THSD4: variants seen among roughly 807,000 people sequenced by gnomAD.
THSD4 encodes the protein thrombospondin type-1 domain-containing protein 4.
In THSD4, 69 loss-of-function variants were observed where a neutral mutation model predicts 119.0. The observed-to-expected ratio is 0.58, with a 90% CI of 0.48 to 0.71. The LOEUF (loss-of-function observed/expected upper bound fraction) is 0.71, where lower values mean the gene tolerates loss of function less well. Ranked by LOEUF, THSD4 falls within the 30% of genes least tolerant of loss-of-function variation. The probability of loss-of-function intolerance (pLI) is 0.00; values close to 1 mark genes in which losing one functional copy is unlikely to be tolerated. For synonymous variants in THSD4, 524 were observed against 540.4 expected, an observed-to-expected ratio of 0.97 and a Z score of 0.42; for missense variants, 1,393 against 1,391.1, an observed-to-expected ratio of 1.00 and a Z score of -0.02.
intron 7 of THSD4, among the ~76,000 whole-genome samples, chr15:71,442,660 G>GTGTATGTATGTATGTATATGTGTATATA: frequency 3.9e-5 from 1 of 25,826 alleles, no homozygotes; most frequent in African/African-American, 1.1e-4. Context: ...GTGTGTGTGT[G>GTGTATGTATGTATGTATATGTGTATATA]TATATATATA....
chr15:71,286,617 A>T (rs2044721277), intron 6 of THSD4, among the ~76,000 whole-genome samples: 1 of 152,190 alleles, frequency 6.6e-6, no homozygotes, highest in Admixed American at 6.5e-5. Flanking sequence ...GAACATATGC[A>T]TGCATGTGTC....
intron 7 of THSD4, among the ~76,000 whole-genome samples, chr15:71,600,370 G>A (rs7172757): frequency 0.12 from 18,612 of 152,176 alleles, 1,288 homozygotes; most frequent in African/African-American, 0.19. Flanking sequence ...CTCTTCTCTT[G>A]GAATTCTTGT....
chr15:71,650,306 C>T (rs893175682), intron 7 of THSD4, among the ~76,000 whole-genome samples: 3 of 152,084 alleles, frequency 2.0e-5, no homozygotes, highest in Non-Finnish European at 2.9e-5. Flanking sequence ...GCTTGCTGAC[C>T]CACAATGTAG....
At chr15:71,283,394 A>T (rs2044679636) in intron 6 of THSD4, among the ~76,000 whole-genome samples, 1 of 152,128 alleles carries the variant, frequency 6.6e-6, no homozygotes, top group African/African-American at 2.4e-5. Context: ...TACGTCACTT[A>T]TTTCTTGAAT....
At chr15:71,633,740 G>A (rs939637775) in intron 7 of THSD4, among the ~76,000 whole-genome samples, 1 of 152,154 alleles carries the variant, frequency 6.6e-6, no homozygotes, top group Non-Finnish European at 1.5e-5. Flanking sequence ...TGCTAGACTG[G>A]CAGTTAAATA....
chr15:71,575,256 A>G (rs1157041691), intron 7 of THSD4, among the ~76,000 whole-genome samples: 2 of 152,176 alleles, frequency 1.3e-5, no homozygotes, highest in Non-Finnish European at 2.9e-5. Context: ...TTAAGGCTGA[A>G]TATGTGATCT....
intron 6 of THSD4, among the ~76,000 whole-genome samples, chr15:71,402,240 AGAAAAT>A (rs1415729197): frequency 1.3e-5 from 2 of 151,858 alleles, no homozygotes; most frequent in African/African-American, 4.8e-5. Flanking sequence ...AAAAAAAAAA[AGAAAAT>A]GAAGGTCTTG....
At chr15:71,137,213 C>T (rs2040559569) in intron 1 of THSD4, among the ~76,000 whole-genome samples, 1 of 152,118 alleles carries the variant, frequency 6.6e-6, no homozygotes, top group Non-Finnish European at 1.5e-5. Context: ...GCAGACAGCA[C>T]GTGTGCTCAG....
chr15:71,246,291 C>T (rs184759210), intron 5 of THSD4, among the ~76,000 whole-genome samples: 1 of 152,020 alleles, frequency 6.6e-6, no homozygotes, highest in South Asian at 2.1e-4. Flanking sequence ...TGGCATACCC[C>T]CCTTTAGATA....
chr15:71,378,470 T>G (rs1040859987), intron 6 of THSD4, among the ~76,000 whole-genome samples: 6 of 152,202 alleles, frequency 3.9e-5, no homozygotes, highest in Non-Finnish European at 5.9e-5. Context: ...CCACTTGTTG[T>G]GTGAGAAGAC....
intron 6 of THSD4, among the ~76,000 whole-genome samples, chr15:71,305,825 C>T (rs979794098): frequency 3.3e-5 from 5 of 152,140 alleles, no homozygotes; most frequent in Admixed American, 1.3e-4. Context: ...GACAGGCCTC[C>T]CCTTATAGCC....
chr15:71,432,495 C>T (rs1595761688), intron 7 of THSD4, among the ~76,000 whole-genome samples: 1 of 149,156 alleles, frequency 6.7e-6, no homozygotes, highest in African/African-American at 2.5e-5. Flanking sequence ...CAGCATGAAG[C>T]ATATATAATC....
chr15:71,531,405 C>T (rs966063588), intron 7 of THSD4, among the ~76,000 whole-genome samples: 5 of 152,240 alleles, frequency 3.3e-5, no homozygotes, highest in South Asian at 2.1e-4. Context: ...AAAAAAATCC[C>T]GGGAGGTGCA....
At chr15:71,472,209 G>A (rs963220164) in intron 7 of THSD4, among the ~76,000 whole-genome samples, 5 of 152,222 alleles carry the variant, frequency 3.3e-5, no homozygotes, top group East Asian at 1.9e-4. Context: ...GAGCCACTGC[G>A]CCTGGCCTAG....
rs147189860 is a variant in THSD4, at chr15:71,299,492, C to T, written c.1015+42777C>T. On this transcript the variant is annotated intron_variant, in intron 6 of 17. Transcript: ENST00000261862. ...CAGAAGAAGACAAATACTGCATTATCTCACTTGTATGTGAAATCTAAAGAG... is the reference window on the plus strand; with the variant it reads ...CAGAAGAAGACAAATACTGCATTATTTCACTTGTATGTGAAATCTAAAGAG... 4.6e-5 allele frequency among the ~76,000 whole-genome samples: 7 copies of T among 152,306 alleles called. No homozygotes were observed. In the East Asian group the frequency reaches 1.4e-3, roughly 29 times the overall value.
chr15:71,530,432 G>A (rs1326701968), intron 7 of THSD4, among the ~76,000 whole-genome samples: 1 of 152,156 alleles, frequency 6.6e-6, no homozygotes, highest in African/African-American at 2.4e-5. Flanking sequence ...GATATCCAGG[G>A]TCAGATGTAA....
chr15:71,545,897 G>A (rs1227303011), intron 7 of THSD4, among the ~76,000 whole-genome samples: 3 of 152,056 alleles, frequency 2.0e-5, no homozygotes, highest in Admixed American at 6.6e-5. Context: ...AGATGGCTAC[G>A]AACTGCAGTT....
intron 8 of THSD4, among the ~76,000 whole-genome samples, chr15:71,692,199 G>C (rs191359774): frequency 7.8e-4 from 119 of 152,256 alleles, no homozygotes; most frequent in Non-Finnish European, 5.9e-5. Context: ...AAGGAGACGT[G>C]GGTGTATGTG....
chr15:71,365,638 C>G (rs1021255812), intron 6 of THSD4, among the ~76,000 whole-genome samples: 2 of 152,142 alleles, frequency 1.3e-5, no homozygotes, highest in Non-Finnish European at 2.9e-5. Context: ...TGATAGCATG[C>G]TGAAGTGGGT....
Sources: allele counts gnomAD v4.1 joint callset (sites outside exome capture counted in the v4.1 genomes callset), GRCh38; gene constraint gnomAD v4.1.1; transcripts MANE v1.5; gene names NCBI Gene and HGNC (gene_info 2026-07-23, HGNC 2026-07-21).